Variants in GFM2 observed in about 807,000 individuals in gnomAD.
GFM2 encodes the protein ribosome-releasing factor 2, mitochondrial.
In GFM2, 72 loss-of-function variants were observed where a neutral mutation model predicts 95.4. The ratio of observed to expected loss-of-function variants is 0.76; its 90% CI spans 0.62 to 0.92. GFM2 has a LOEUF of 0.92. Ranked by LOEUF, GFM2 falls within the 40% of genes least tolerant of loss-of-function variation. The pLI is 0.00. For missense variants in GFM2, 825 were observed against 924.1 expected, an observed-to-expected ratio of 0.89 and a Z score of 1.39; for synonymous variants, 276 against 317.5, an observed-to-expected ratio of 0.87 and a Z score of 1.39.
In GFM2 at chr5:74,767,015, C is replaced by G. The variant is rs533394945; in HGVS notation, c.-102G>C. 9.3e-5 allele frequency: 24 copies of G among 257,484 alleles called. No homozygotes were observed. The highest frequency in any genetic ancestry group is 5.3e-4 in the African/African-American group (24 of 45,096). 15.9% of individuals were successfully genotyped at this position (257,484 alleles called of 1,614,324 possible). A position where few individuals can be genotyped will look rare whatever the true frequency, so the allele number is the denominator to read the frequency against. ...CAGGAGGCGCGAGCCGCGCCAAAGT[C>G]TGCAACGGCCTCAAGTCTCGACGCC... On this transcript the variant is annotated 5_prime_UTR_variant, in exon 1 of 21. Coordinates refer to ENST00000296805, the MANE Select transcript of GFM2 (RefSeq NM_032380.5).
intron 5 of GFM2, among the ~76,000 whole-genome samples, chr5:74,756,577 C>T (rs1438897155): frequency 2.6e-5 from 4 of 152,006 alleles, no homozygotes; most frequent in African/African-American, 9.7e-5. Context: ...AATGGTAGTT[C>T]TACTTTTAGT....
intron 5 of GFM2, among the ~76,000 whole-genome samples, chr5:74,758,331 GA>G (rs1468927738): frequency 1.3e-5 from 2 of 152,150 alleles, no homozygotes; most frequent in Non-Finnish European, 2.9e-5. Context: ...GTACCTTATG[GA>G]GATACCGAAC....
intron 19 of GFM2, chr5:74,722,765 A>G (rs1354039269): frequency 4.4e-6 from 2 of 451,578 alleles, no homozygotes; most frequent in East Asian, 3.9e-5. Context: ...GTATGATGCA[A>G]GGGGATGTTT....
chr5:74,732,880 AT>A (rs1267120274), intron 16 of GFM2, 141 bp downstream of exon 16: 1 of 447,764 alleles, frequency 2.2e-6, no homozygotes, highest in African/African-American at 2.0e-5. Flanking sequence ...TTATGAGAGA[AT>A]TTAAAAAGAA....
chr5:74,745,921 A>C lies in GFM2; in HGVS notation c.670-64T>G. ...CTCACTGAAAACTACAATGATGACA[A>C]GTCTTTTCTAATTGTACCATTTTCC... On this transcript the variant is annotated intron_variant, in intron 9 of 20. Transcript: ENST00000296805. The C allele has an allele frequency of 2.2e-6, 3 of 1,355,728 alleles. No homozygotes were observed. In the South Asian group the frequency reaches 3.8e-5, roughly 17 times the overall value. 84.0% of individuals were successfully genotyped at this position (1,355,728 alleles called of 1,614,324 possible).
intron 1 of GFM2, chr5:74,765,139 C>A: frequency 8.3e-7 from 1 of 1,199,008 alleles, no homozygotes; most frequent in Non-Finnish European, 1.1e-6. Context: ...CTCATAGTCT[C>A]TCCACAGTTG....
intron 19 of GFM2, among the ~76,000 whole-genome samples, chr5:74,724,208 A>G (rs1406170623): frequency 6.6e-6 from 1 of 152,212 alleles, no homozygotes; most frequent in African/African-American, 2.4e-5. Flanking sequence ...TGCAGACTTT[A>G]TTTTTAGAAG....
At chr5:74,750,847 A>T (rs2112321470) in intron 6 of GFM2, among the ~76,000 whole-genome samples, 180 bp from the exon 7 acceptor site, 1 of 152,332 alleles carries the variant, frequency 6.6e-6, no homozygotes, top group South Asian at 2.1e-4. Context: ...ACTGGTAGAC[A>T]AAAGGTGGAA....
chr5:74,760,539 T>G (rs571119036), intron 3 of GFM2, among the ~76,000 whole-genome samples: 1 of 152,248 alleles, frequency 6.6e-6, no homozygotes, highest in East Asian at 1.9e-4. Flanking sequence ...CAAAATAAAT[T>G]ATTCTAGTAA....
intron 17 of GFM2, among the ~76,000 whole-genome samples, chr5:74,727,861 A>T (rs563349116): frequency 6.6e-6 from 1 of 152,130 alleles, no homozygotes; most frequent in Non-Finnish European, 1.5e-5. Flanking sequence ...AACATCTATC[A>T]TGTCAAAAAA....
intron 20 of GFM2, chr5:74,722,149 TACC>T (rs1162425366): frequency 1.9e-6 from 1 of 535,966 alleles, no homozygotes; most frequent in African/African-American, 1.9e-5. Flanking sequence ...TATAGGCTGG[TACC>T]ACATTTTGGG....
At chr5:74,728,744 G>GTTT (rs1379623058) in intron 17 of GFM2, among the ~76,000 whole-genome samples, 1 of 89,708 alleles carries the variant, frequency 1.1e-5, no homozygotes, top group African/African-American at 4.8e-5. Context: ...ATGTGTGGGG[G>GTTT]TTTCTTTTTT....
At chr5:74,736,279 G>A in intron 15 of GFM2, 1 of 638,620 alleles carries the variant, frequency 1.6e-6, no homozygotes, top group Non-Finnish European at 1.9e-6. Flanking sequence ...CCACACTAAA[G>A]AGTTTGGGTG....
At chr5:74,736,343 G>C in intron 15 of GFM2, 2 of 982,722 alleles carry the variant, frequency 2.0e-6, no homozygotes, top group Non-Finnish European at 2.4e-6. Flanking sequence ...AAATGCTAAA[G>C]AACAAAGTTA....
At chr5:74,729,678 C>CTT (rs35280586) in intron 17 of GFM2, among the ~76,000 whole-genome samples, 17,379 of 134,758 alleles carry the variant, frequency 0.13, 1,347 homozygotes, top group African/African-American at 0.2. Flanking sequence ...TCCTAAACGT[C>CTT]TTTTTTTTTT....
chr5:74,721,663 A>G lies in GFM2; in HGVS notation c.2332T>C (p.Leu778=). ...QNTLLNRRSG[L]T is the part of the protein sequence containing the mutation. ...TCCAAAAACTAAAACATTTAGGTCA[A>G]ACCACTTCTCCGGTTGAGCAGTGTA... Residue 778 remains leucine, a synonymous_variant, in exon 21 of 21, where the codon TTG becomes CTG. Transcript: ENST00000296805. 6.2e-7 allele frequency: 1 copy of G among 1,612,132 alleles called. No individual in the cohort carries two copies. Among genetic ancestry groups the G allele is most frequent in the Non-Finnish European group, 8.5e-7 (1 of 1,179,420 alleles).
intron 15 of GFM2, among the ~76,000 whole-genome samples, chr5:74,734,560 C>T (rs565930103): frequency 3.3e-5 from 5 of 152,088 alleles, no homozygotes; most frequent in South Asian, 2.1e-4. Flanking sequence ...TGTGTATGTA[C>T]GTTCAAGGTT....
intron 2 of GFM2, among the ~76,000 whole-genome samples, chr5:74,761,613 C>T (rs1744285364): frequency 6.6e-6 from 1 of 152,062 alleles, no homozygotes; most frequent in Non-Finnish European, 1.5e-5. Flanking sequence ...AGGAACTGGG[C>T]AGTGGCATTT....
At position 74,732,592 on chromosome 5, in the gene GFM2, C is replaced by G. The variant is rs114542784; in HGVS notation, c.1587+430G>C. 9.6e-3 allele frequency among the ~76,000 whole-genome samples: 1,455 copies of G among 152,254 alleles called. 4 individuals carry two copies. Among genetic ancestry groups the G allele is most frequent in the Non-Finnish European group, 0.015 (1,044 of 68,016 alleles). ...TACTTTAAAACTCCACTTCCTCTCA[C>G]AGTGTTACATTGTAATCTATCACTT... On this transcript the variant is annotated intron_variant, in intron 16 of 20. Coordinates refer to ENST00000296805, the MANE Select transcript of GFM2 (RefSeq NM_032380.5).
Sources: gnomAD v4.1 joint callset for allele counts (sites outside exome capture counted in the v4.1 genomes callset) on GRCh38, gnomAD v4.1.1 for gene constraint, MANE v1.5 for transcripts, NCBI Gene and HGNC (gene_info 2026-07-23, HGNC 2026-07-21) for gene names.